LIMA1: variants seen among roughly 807,000 people sequenced by gnomAD.
The protein encoded by LIMA1 is LIM domain and actin binding 1.
In LIMA1, 52 loss-of-function variants were observed where a neutral mutation model predicts 62.6. The observed-to-expected ratio is 0.83, with a 90% CI of 0.67 to 1.05. LIMA1 has a LOEUF of 1.05. Among genes scored for constraint, LIMA1 ranks in the 50% least tolerant of loss-of-function variants. LIMA1 has a pLI of 0.00. For synonymous variants in LIMA1, 302 were observed against 317.8 expected, an observed-to-expected ratio of 0.95 and a Z score of 0.53; for missense variants, 780 against 902.2, an observed-to-expected ratio of 0.86 and a Z score of 1.74.
intron 1 of LIMA1, among the ~76,000 whole-genome samples, chr12:50,256,678 C>T (rs1282858713): frequency 6.6e-6 from 1 of 152,000 alleles, no homozygotes; most frequent in Admixed American, 6.6e-5. Flanking sequence ...GTAGAATGTT[C>T]CTCAATTTGG....
intron 1 of LIMA1, among the ~76,000 whole-genome samples, chr12:50,260,294 C>T (rs906562680): frequency 2.0e-5 from 3 of 152,094 alleles, no homozygotes; most frequent in African/African-American, 7.2e-5. Flanking sequence ...ATTACAGGTG[C>T]TCACCACCAT....
At chr12:50,205,857 C>A in intron 5 of LIMA1, 127 bp downstream of exon 5, 20 of 391,976 alleles carry the variant, frequency 5.1e-5, no homozygotes, top group Non-Finnish European at 6.0e-5. Flanking sequence ...TGGCTTGCAT[C>A]TAATAGGCAG....
chr12:50,243,394 G>A (rs1941805109), intron 2 of LIMA1, among the ~76,000 whole-genome samples: 1 of 152,146 alleles, frequency 6.6e-6, no homozygotes, highest in Admixed American at 6.5e-5. Context: ...AAAGCCACTA[G>A]GTGTTGGAAA....
At chr12:50,263,655 G>A (rs949341835) in intron 1 of LIMA1, among the ~76,000 whole-genome samples, 14 of 151,672 alleles carry the variant, frequency 9.2e-5, no homozygotes, top group African/African-American at 3.1e-4. Context: ...TAGCGAGGAC[G>A]TGGAGAAACT....
intron 2 of LIMA1, among the ~76,000 whole-genome samples, chr12:50,236,635 T>C (rs1448460774): frequency 6.6e-6 from 1 of 151,262 alleles, no homozygotes; most frequent in Non-Finnish European, 1.5e-5. Context: ...ATGCAGGGGG[T>C]TCCCTTTCTC....
chr12:50,240,242 G>T (rs1941757950), intron 2 of LIMA1, among the ~76,000 whole-genome samples: 1 of 152,106 alleles, frequency 6.6e-6, no homozygotes, highest in South Asian at 2.1e-4. Flanking sequence ...GGTGCACAAA[G>T]AACTCTAGTG....
intron 9 of LIMA1, among the ~76,000 whole-genome samples, chr12:50,184,817 G>T (rs537130948): frequency 6.6e-6 from 1 of 152,082 alleles, no homozygotes; most frequent in South Asian, 2.1e-4. Flanking sequence ...GGAATTCTGC[G>T]TTTTTTGTTT....
intron 6 of LIMA1, 40 bp downstream of exon 6, chr12:50,204,512 G>T: frequency 6.3e-7 from 1 of 1,590,862 alleles, no homozygotes; most frequent in Non-Finnish European, 8.6e-7. Context: ...TCTGCTGGAT[G>T]ATGGAATGAA....
chr12:50,217,310 C>A (rs1335512722), intron 4 of LIMA1, among the ~76,000 whole-genome samples: 2 of 152,036 alleles, frequency 1.3e-5, no homozygotes, highest in African/African-American at 4.8e-5. Context: ...AAGTGTTTCT[C>A]TCCAGACTGA....
chr12:50,221,340 G>A (rs1411328027), intron 4 of LIMA1, among the ~76,000 whole-genome samples: 1 of 152,130 alleles, frequency 6.6e-6, no homozygotes, highest in Non-Finnish European at 1.5e-5. Flanking sequence ...TAAATCACCA[G>A]CATATGTAAC....
Position 50,214,319 on chromosome 12 carries a change from A to G in LIMA1, c.630+7702T>C, listed in dbSNP as rs78864040. 1.8e-3 allele frequency among the ~76,000 whole-genome samples: 273 copies of G among 152,338 alleles called. 2 individuals carry two copies. Among genetic ancestry groups the G allele is most frequent in the African/African-American group, 6.1e-3 (255 of 41,576 alleles). On this transcript the variant is annotated intron_variant, in intron 4 of 10. Coordinates refer to ENST00000341247, the MANE Select transcript of LIMA1 (RefSeq NM_016357.5). The stretch of plus-strand genomic sequence containing the variant: ...CAATTAACAATAACATGCAAAACCA[A>G]TTATCCACATTTAAAGCACTAGCAA...
At chr12:50,217,716 G>A in intron 4 of LIMA1, 1 of 288,522 alleles carries the variant, frequency 3.5e-6, no homozygotes, top group Non-Finnish European at 6.8e-6. Context: ...TGGGGGGAAG[G>A]TGTTCGATCC....
At chr12:50,237,768 A>G (rs1055302572) in intron 2 of LIMA1, among the ~76,000 whole-genome samples, 1 of 152,260 alleles carries the variant, frequency 6.6e-6, no homozygotes, top group Non-Finnish European at 1.5e-5. Flanking sequence ...CAGAACACAC[A>G]GCCCAGAAAT....
chr12:50,263,861 ATATATATATATATATAAAG>A (rs1454079382), intron 1 of LIMA1, among the ~76,000 whole-genome samples: 1 of 125,786 alleles, frequency 8.0e-6, no homozygotes, highest in Non-Finnish European at 1.6e-5. Context: ...TAGAGAGTAT[ATATATATATATATATAAAG>A]TATATATATA....
intron 1 of LIMA1, among the ~76,000 whole-genome samples, chr12:50,271,769 T>G (rs1942214963): frequency 6.6e-6 from 1 of 152,202 alleles, no homozygotes; most frequent in Non-Finnish European, 1.5e-5. Context: ...TGAATACCAG[T>G]GCCTGGAACA....
chr12:50,223,587 A>G (rs1468355019), intron 3 of LIMA1, among the ~76,000 whole-genome samples: 1 of 152,122 alleles, frequency 6.6e-6, no homozygotes, highest in East Asian at 1.9e-4. Flanking sequence ...ACCACTACTT[A>G]TCACTCAGAT....
chr12:50,217,007 A>G (rs1481313576), intron 4 of LIMA1, among the ~76,000 whole-genome samples: 1 of 152,128 alleles, frequency 6.6e-6, no homozygotes, highest in Non-Finnish European at 1.5e-5. Flanking sequence ...CCACTATACC[A>G]CCAATGCCAC....
chr12:50,270,596 CCT>C (rs1491046808), intron 1 of LIMA1, among the ~76,000 whole-genome samples: 3 of 116,874 alleles, frequency 2.6e-5, no homozygotes, highest in Non-Finnish European at 5.0e-5. Flanking sequence ...CAGAGTGAGA[CCT>C]TATCTCAAAA....
At position 50,176,624 on chromosome 12, in the gene LIMA1, A is replaced by G. The variant is rs929416366; in HGVS notation, c.*440T>C. The G allele has an allele frequency of 1.3e-5, 2 of 154,580 alleles. No individual in the cohort carries two copies. Among genetic ancestry groups the G allele is most frequent in the African/African-American group, 4.8e-5 (2 of 41,542 alleles). 9.6% of individuals were successfully genotyped at this position (154,580 alleles called of 1,614,324 possible). On this transcript the variant is annotated 3_prime_UTR_variant, in exon 11 of 11. Coordinates refer to ENST00000341247, the MANE Select transcript of LIMA1 (RefSeq NM_016357.5). ...ATTGGTATTCATTTAAAAATATACA[A>G]ACTGTGCCCTTTATACTAAAGTGCA...
Sources: gnomAD v4.1 joint callset for allele counts (sites outside exome capture counted in the v4.1 genomes callset) on GRCh38, gnomAD v4.1.1 for gene constraint, MANE v1.5 for transcripts, NCBI Gene and HGNC (gene_info 2026-07-23, HGNC 2026-07-21) for gene names.